The following ROBO1 variants were observed in gnomAD, a reference collection of about 807,000 sequenced individuals.
The protein encoded by ROBO1 is roundabout homolog 1.
Under a neutral mutation model 195.9 loss-of-function variants are expected in ROBO1, and 149 were observed. The observed-to-expected ratio is 0.76, with a 90% CI of 0.67 to 0.87. ROBO1 has a LOEUF of 0.87. ROBO1 is among the 40% of genes least tolerant of loss of function. The pLI is 0.00. For missense variants in ROBO1, 1,933 were observed against 2,068.3 expected, an observed-to-expected ratio of 0.93 and a Z score of 1.27; for synonymous variants, 816 against 733.2, an observed-to-expected ratio of 1.11 and a Z score of -1.82.
chr3:79,702,126 A>T (rs1193372142), intron 1 of ROBO1, among the ~76,000 whole-genome samples: 1 of 151,856 alleles, frequency 6.6e-6, no homozygotes, highest in African/African-American at 2.4e-5. Context: ...GTGATATAAA[A>T]ATCACACCAT....
intron 4 of ROBO1, among the ~76,000 whole-genome samples, chr3:78,809,801 G>C (rs1029825637): frequency 1.4e-4 from 20 of 141,144 alleles, no homozygotes; most frequent in Admixed American, 3.6e-4. Context: ...GAGAACACAT[G>C]GACACAGGGA....
chr3:78,864,882 T>A (rs1241561851), intron 4 of ROBO1, among the ~76,000 whole-genome samples: 1 of 152,140 alleles, frequency 6.6e-6, no homozygotes, highest in Non-Finnish European at 1.5e-5. Flanking sequence ...CTACCCAATG[T>A]TTAATTATAA....
intron 2 of ROBO1, chr3:79,527,731 G>GCAAAC (rs1403353471): frequency 1.4e-5 from 1 of 71,974 alleles, no homozygotes; most frequent in African/African-American, 7.8e-5. Context: ...GCAAAGCAAA[G>GCAAAC]CAATAAAAAA....
At chr3:78,830,507 A>G (rs947429902) in intron 4 of ROBO1, among the ~76,000 whole-genome samples, 2 of 152,192 alleles carry the variant, frequency 1.3e-5, no homozygotes, top group African/African-American at 4.8e-5. Flanking sequence ...TACAATCACG[A>G]CAGAAAGGGA....
At chr3:78,661,680 C>T (rs960170721) in intron 15 of ROBO1, among the ~76,000 whole-genome samples, 29 of 152,100 alleles carry the variant, frequency 1.9e-4, no homozygotes, top group African/African-American at 6.0e-4. Flanking sequence ...CTTAATACTA[C>T]TTGGAAATAT....
In ROBO1 at chr3:79,560,276, C is replaced by G. The variant is rs184999457; in HGVS notation, c.88+29548G>C. On this transcript the variant is annotated intron_variant, in intron 2 of 30. Coordinates refer to ENST00000464233, the MANE Select transcript of ROBO1 (RefSeq NM_002941.4). The stretch of plus-strand genomic sequence containing the variant: ...GAAATCATCATTCTCAGTAAACTAT[C>G]GCAAGGACAAAAAACCAAACACCGC... Among the ~76,000 whole-genome samples, 844 of 148,292 alleles carry G rather than the reference C, an allele frequency of 5.7e-3. 10 individuals are homozygous for G. Among genetic ancestry groups the G allele is most frequent in the African/African-American group, 0.02 (800 of 39,788 alleles).
At chr3:79,148,852 A>T (rs2080708021) in intron 2 of ROBO1, among the ~76,000 whole-genome samples, 1 of 151,916 alleles carries the variant, frequency 6.6e-6, no homozygotes. Flanking sequence ...TGCTGATGTG[A>T]TCAATAATTA....
At chr3:79,414,727 AAG>A (rs895812740) in intron 2 of ROBO1, among the ~76,000 whole-genome samples, 3 of 150,502 alleles carry the variant, frequency 2.0e-5, no homozygotes, top group African/African-American at 7.3e-5. Flanking sequence ...AGAGATCATA[AAG>A]AGAGAGCCAT....
intron 2 of ROBO1, among the ~76,000 whole-genome samples, chr3:79,426,969 TA>T (rs2038472590): frequency 6.6e-6 from 1 of 152,144 alleles, no homozygotes; most frequent in Non-Finnish European, 1.5e-5. Context: ...AAAAGTCTAT[TA>T]AAATTATTCA....
intron 2 of ROBO1, among the ~76,000 whole-genome samples, chr3:79,575,883 G>A (rs1178692452): frequency 6.6e-6 from 1 of 151,692 alleles, no homozygotes; most frequent in Non-Finnish European, 1.5e-5. Context: ...TCCCTTGTTT[G>A]CCCTGAAGCA....
chr3:79,280,494 GC>G (rs1251075803), intron 2 of ROBO1, among the ~76,000 whole-genome samples: 1 of 152,236 alleles, frequency 6.6e-6, no homozygotes, highest in East Asian at 1.9e-4. Context: ...CCTAACTACA[GC>G]TGTTTGGAAA....
intron 26 of ROBO1, among the ~76,000 whole-genome samples, chr3:78,625,614 G>A (rs1704714535): frequency 6.6e-6 from 1 of 152,132 alleles, no homozygotes; most frequent in Non-Finnish European, 1.5e-5. Context: ...AAAGGCGAGG[G>A]CTGTAGGGCA....
At chr3:79,622,323 A>T (rs1424075349) in intron 1 of ROBO1, among the ~76,000 whole-genome samples, 3 of 152,168 alleles carry the variant, frequency 2.0e-5, no homozygotes, top group African/African-American at 7.2e-5. Flanking sequence ...CTCTTGAGGG[A>T]AGGGGCGACC....
chr3:78,966,489 A>G (rs1339579974), intron 3 of ROBO1, among the ~76,000 whole-genome samples: 1 of 152,178 alleles, frequency 6.6e-6, no homozygotes, highest in Non-Finnish European at 1.5e-5. Context: ...GATCTACTAA[A>G]CTAAATCTCT....
At chr3:79,254,002 C>T (rs529411170) in intron 2 of ROBO1, among the ~76,000 whole-genome samples, 2 of 152,206 alleles carry the variant, frequency 1.3e-5, no homozygotes, top group East Asian at 3.9e-4. Context: ...CACTTATCCA[C>T]CCGGCAAGAA....
At chr3:79,210,629 C>T (rs2081951790) in intron 2 of ROBO1, among the ~76,000 whole-genome samples, 1 of 152,098 alleles carries the variant, frequency 6.6e-6, no homozygotes, top group African/African-American at 2.4e-5. Flanking sequence ...GCAAGTAGCC[C>T]ACCAAGTTAG....
intron 3 of ROBO1, among the ~76,000 whole-genome samples, chr3:78,992,244 C>T (rs1412424271): frequency 6.6e-6 from 1 of 152,108 alleles, no homozygotes; most frequent in Non-Finnish European, 1.5e-5. Context: ...AAAGTGATAC[C>T]AATCCTGGAT....
chr3:79,215,884 A>G (rs1226975598), intron 2 of ROBO1, among the ~76,000 whole-genome samples: 1 of 152,196 alleles, frequency 6.6e-6, no homozygotes, highest in East Asian at 1.9e-4. Context: ...CAATAAGAAC[A>G]TTACATTAAA....
At chr3:79,041,322 A>G (rs931468940) in intron 3 of ROBO1, among the ~76,000 whole-genome samples, 1 of 152,156 alleles carries the variant, frequency 6.6e-6, no homozygotes, top group Admixed American at 6.5e-5. Context: ...CTAAGACAGC[A>G]TCTTGTTCAT....
Sources: gnomAD v4.1 joint callset for allele counts (sites outside exome capture counted in the v4.1 genomes callset) on GRCh38, gnomAD v4.1.1 for gene constraint, MANE v1.5 for transcripts, NCBI Gene and HGNC (gene_info 2026-07-23, HGNC 2026-07-21) for gene names.